The following RGS17 variants were observed in gnomAD, a reference collection of about 807,000 sequenced individuals.
The protein encoded by RGS17 is regulator of G-protein signaling 17.
Under a neutral mutation model 25.5 loss-of-function variants are expected in RGS17, and 12 were observed. That is an observed-to-expected ratio of 0.47 (90% confidence interval 0.30 to 0.76). The LOEUF (loss-of-function observed/expected upper bound fraction) is 0.76, where lower values mean the gene tolerates loss of function less well. Ranked by LOEUF, RGS17 falls within the 30% of genes least tolerant of loss-of-function variation. The probability of loss-of-function intolerance (pLI) is 0.07; values close to 1 mark genes in which losing one functional copy is unlikely to be tolerated. For synonymous variants in RGS17, 71 were observed against 76.9 expected (o/e 0.92, Z 0.40); for missense variants, 196 against 242.2 (o/e 0.81, Z 1.27).
chr6:153,107,190 G>A (rs1339721744), intron 1 of RGS17, among the ~76,000 whole-genome samples: 2 of 151,742 alleles, frequency 1.3e-5, no homozygotes, highest in Non-Finnish European at 2.9e-5. Flanking sequence ...AAAATTAGCC[G>A]GGCATGGTGG....
chr6:153,104,578 A>G (rs150402049), intron 1 of RGS17, among the ~76,000 whole-genome samples: 2,498 of 152,360 alleles, frequency 0.016, 77 homozygotes, highest in African/African-American at 0.056. Flanking sequence ...CGGATTCATT[A>G]ATTTATTCAA....
intron 3 of RGS17, among the ~76,000 whole-genome samples, chr6:153,025,641 TAAACATATATATATAA>T (rs1158168293): frequency 3.4e-5 from 5 of 145,486 alleles, no homozygotes; most frequent in African/African-American, 5.0e-5. Flanking sequence ...TATATATATA[TAAACATATATATATAA>T]AAACATATAT....
intron 4 of RGS17, 97 bp from the exon 5 acceptor site, chr6:153,011,859 A>C: frequency 1.2e-6 from 1 of 849,760 alleles, no homozygotes; most frequent in Non-Finnish European, 1.8e-6. Context: ...GAAACTTTAA[A>C]GAGCAAATCC....
At chr6:153,099,118 G>C (rs773222321) in intron 1 of RGS17, among the ~76,000 whole-genome samples, 6 of 152,076 alleles carry the variant, frequency 3.9e-5, no homozygotes, top group African/African-American at 9.7e-5. Flanking sequence ...ATTGAAAAAT[G>C]AAAATGAACA....
At chr6:153,088,505 T>C (rs979135352) in intron 1 of RGS17, among the ~76,000 whole-genome samples, 17 of 152,218 alleles carry the variant, frequency 1.1e-4, no homozygotes, top group African/African-American at 3.9e-4. Flanking sequence ...TTAAATTGCT[T>C]TTTTATTCCC....
Position 153,011,476 on chromosome 6 carries a change from T to A in RGS17, c.*98A>T, listed in dbSNP as rs775564203. The A allele has an allele frequency of 3.3e-5, 26 of 799,736 alleles. No homozygotes were observed. Among genetic ancestry groups the A allele is most frequent in the Non-Finnish European group, 5.1e-5 (25 of 486,554 alleles). The allele number at this position is 799,736 out of a possible 1,614,324, so 49.5% of individuals were successfully genotyped here. A position where few individuals can be genotyped will look rare whatever the true frequency, so the allele number is the denominator to read the frequency against. ...TGTGTTTTCACAGTAGCCTGAGGAA[T>A]GCTAAACTGTAGTTCTCCAGGAACT... is the stretch of plus-strand genomic sequence containing the variant. On this transcript the variant is annotated 3_prime_UTR_variant, in exon 5 of 5. Transcript: ENST00000206262.
chr6:153,070,673 TTGTGTG>T (rs55655703), intron 1 of RGS17, among the ~76,000 whole-genome samples: 26,361 of 144,878 alleles, frequency 0.18, 2,732 homozygotes, highest in Non-Finnish European at 0.23. Flanking sequence ...ACATGGAAGA[TTGTGTG>T]TGTGTGTGTG....
chr6:153,107,541 TA>T (rs944360263), intron 1 of RGS17, among the ~76,000 whole-genome samples: 6 of 136,220 alleles, frequency 4.4e-5, no homozygotes, highest in Non-Finnish European at 6.5e-5. Flanking sequence ...ATGCTGTTTG[TA>T]AAAAAAAAAT....
rs554729397 is a variant in RGS17 at position 153,053,229 on chromosome 6, C to A, written c.-25-9186G>T. On this transcript the variant is annotated intron_variant, in intron 1 of 4. Coordinates refer to ENST00000206262, the MANE Select transcript of RGS17 (RefSeq NM_012419.5). Reference sequence around the variant, plus strand: ...ATGAGTAACTTAGATCTATATGAATCAACTTGAGGCAATCACAAAACAATG... The same window carrying A: ...ATGAGTAACTTAGATCTATATGAATAAACTTGAGGCAATCACAAAACAATG... Among the ~76,000 whole-genome samples, 4 of 152,196 alleles carry A rather than the reference C, an allele frequency of 2.6e-5. No individual in the cohort carries two copies. In the South Asian group the frequency reaches 8.3e-4, roughly 32 times the overall value.
intron 2 of RGS17, among the ~76,000 whole-genome samples, chr6:153,038,366 G>A (rs1329661754): frequency 6.6e-6 from 1 of 152,170 alleles, no homozygotes; most frequent in Non-Finnish European, 1.5e-5. Flanking sequence ...TTTGATAGAT[G>A]TCTTTTGATT....
intron 1 of RGS17, among the ~76,000 whole-genome samples, chr6:153,091,410 T>C (rs931946198): frequency 6.6e-6 from 1 of 152,218 alleles, no homozygotes; most frequent in Non-Finnish European, 1.5e-5. Flanking sequence ...TAATGGCTGT[T>C]GAGCTAAAAT....
At chr6:153,054,089 T>G (rs1308878454) in intron 1 of RGS17, among the ~76,000 whole-genome samples, 1 of 19,270 alleles carries the variant, frequency 5.2e-5, no homozygotes, top group Non-Finnish European at 9.0e-5. Context: ...CACACAATAT[T>G]TTTTATATAT....
intron 1 of RGS17, among the ~76,000 whole-genome samples, chr6:153,100,039 C>T (rs1247143397): frequency 2.0e-5 from 3 of 152,114 alleles, no homozygotes; most frequent in Non-Finnish European, 2.9e-5. Context: ...AATTAATACA[C>T]TTTCAATTTG....
At chr6:153,022,557 A>G (rs1327449856) in intron 4 of RGS17, among the ~76,000 whole-genome samples, 1 of 152,174 alleles carries the variant, frequency 6.6e-6, no homozygotes, top group Non-Finnish European at 1.5e-5. Context: ...CTAGACAACT[A>G]TCACTTTAAG....
rs1273093397 is a variant in RGS17, at chr6:153,034,167, T to C, written c.120-7624A>G. On this transcript the variant is annotated intron_variant, in intron 2 of 4. Coordinates refer to ENST00000206262, the MANE Select transcript of RGS17 (RefSeq NM_012419.5). ...CCTTTCCCTCGCATTTTCCAGTTAGTGTGTGTGTGTGAATACGTATGGGAT... is the reference window on the plus strand; with the variant it reads ...CCTTTCCCTCGCATTTTCCAGTTAGCGTGTGTGTGTGAATACGTATGGGAT... Among the ~76,000 whole-genome samples, 3 of 152,096 alleles carry C rather than the reference T, an allele frequency of 2.0e-5. No homozygotes were observed. The East Asian group carries it at 5.8e-4, about 29-fold the overall frequency.
At position 153,053,967 on chromosome 6, in the gene RGS17, A is replaced by T. The variant is rs1371053902; in HGVS notation, c.-25-9924T>A. ...TAATATATATACATATATATTATAT[A>T]CATATATATGTATATATGTATATAA... On this transcript the variant is annotated intron_variant, in intron 1 of 4. Coordinates refer to ENST00000206262, the MANE Select transcript of RGS17 (RefSeq NM_012419.5). 5.2e-4 allele frequency among the ~76,000 whole-genome samples: 15 copies of T among 28,626 alleles called. 2 individuals are homozygous for T. The highest frequency in any genetic ancestry group is 2.5e-3 in the African/African-American group (15 of 6,116). 18.8% of individuals were successfully genotyped at this position (28,626 alleles called of 152,430 possible).
intron 2 of RGS17, among the ~76,000 whole-genome samples, chr6:153,040,840 CTT>C (rs1776312687): frequency 1.3e-5 from 2 of 151,804 alleles, no homozygotes; most frequent in South Asian, 2.1e-4. Flanking sequence ...GTTCAAGGAA[CTT>C]TAACTTTTAT....
At chr6:153,041,153 G>T (rs1280391940) in intron 2 of RGS17, among the ~76,000 whole-genome samples, 1 of 152,070 alleles carries the variant, frequency 6.6e-6, no homozygotes, top group Non-Finnish European at 1.5e-5. Flanking sequence ...TGACAGAGCA[G>T]ATTTTGTCTC....
rs1000069381 is a variant in RGS17, at chr6:153,129,791, T to A, written c.-26+1333A>T. ...TCCAGACAAATCTTATAGTGAATCTTTTGAAAGAAGCATTTATGGAAAGGT... is the reference window on the plus strand; with the variant it reads ...TCCAGACAAATCTTATAGTGAATCTATTGAAAGAAGCATTTATGGAAAGGT... On this transcript the variant is annotated intron_variant, in intron 1 of 4. Transcript: ENST00000206262. Among the ~76,000 whole-genome samples the A allele has an allele frequency of 1.1e-4, 17 of 152,318 alleles. No individual in the cohort carries two copies. In the East Asian group the frequency reaches 3.3e-3, roughly 29 times the overall value.
Sources: gnomAD v4.1 joint callset for allele counts (sites outside exome capture counted in the v4.1 genomes callset) on GRCh38, gnomAD v4.1.1 for gene constraint, MANE v1.5 for transcripts, NCBI Gene and HGNC (gene_info 2026-07-23, HGNC 2026-07-21) for gene names.